BICRA: variants seen among roughly 807,000 people sequenced by gnomAD.
The protein encoded by BICRA is BRD4 interacting chromatin remodeling complex associated protein.
A neutral mutation model predicts 96.9 loss-of-function variants in BICRA; 31 were observed. The ratio of observed to expected loss-of-function variants is 0.32; its 90% CI spans 0.24 to 0.43. The LOEUF (loss-of-function observed/expected upper bound fraction) is 0.43. Among genes scored for constraint, BICRA ranks in the 20% least tolerant of loss-of-function variants. BICRA has a pLI of 1.00. For synonymous variants in BICRA, 1,350 were observed against 1,071.8 expected, an observed-to-expected ratio of 1.26 and a Z score of -5.07; for missense variants, 2,283 against 2,190.3, an observed-to-expected ratio of 1.04 and a Z score of -0.84.
chr19:47,677,691 C>T (rs908289738), intron 5 of BICRA, among the ~76,000 whole-genome samples: 1 of 152,014 alleles, frequency 6.6e-6, no homozygotes, highest in South Asian at 2.1e-4. Flanking sequence ...GTGGAAACTC[C>T]GTCTCAAAAA....
chr19:47,675,965 C>A lies in BICRA; in HGVS notation c.150+49C>A. 1 of 1,244,620 alleles carries A rather than the reference C, an allele frequency of 8.0e-7. No homozygotes were observed. Among genetic ancestry groups the A allele is most frequent in the South Asian group, 1.3e-5 (1 of 76,140 alleles). 77.1% of individuals were successfully genotyped at this position (1,244,620 alleles called of 1,614,324 possible). A position where few individuals can be genotyped will look rare whatever the true frequency, so the allele number is the denominator to read the frequency against. On this transcript the variant is annotated intron_variant, in intron 5 of 14. Coordinates refer to ENST00000594866, the MANE Select transcript of BICRA (RefSeq NM_001394372.1). The surrounding 1 kb of genome is among the most constrained non-coding windows in gnomAD (Gnocchi z 4.7). ...TTGCCTGAGCTGTTGGGGCTGCCAG[C>A]GGGAGGAGGGCCCTGAAGCCAAGAG... is the stretch of plus-strand genomic sequence containing the variant.
intron 1 of BICRA, among the ~76,000 whole-genome samples, chr19:47,654,583 G>T (rs577863022): frequency 6.6e-6 from 1 of 152,020 alleles, no homozygotes; most frequent in Non-Finnish European, 1.5e-5. Flanking sequence ...CTGGTTTCAC[G>T]CCATTCTCCT....
chr19:47,672,349 G>A (rs1197268090), intron 2 of BICRA, among the ~76,000 whole-genome samples: 1 of 148,470 alleles, frequency 6.7e-6, no homozygotes, highest in Admixed American at 6.7e-5. Context: ...GTAGGTAGAT[G>A]GATGGAAGGA....
At chr19:47,667,163 C>T (rs549374927) in intron 1 of BICRA, among the ~76,000 whole-genome samples, 10 of 152,194 alleles carry the variant, frequency 6.6e-5, no homozygotes, top group East Asian at 1.9e-4. Flanking sequence ...GGACTACAGG[C>T]GCCCACCCCC....
At chr19:47,661,777 C>T (rs1972708983) in intron 1 of BICRA, 1 of 152,254 alleles carries the variant, frequency 6.6e-6, no homozygotes. Flanking sequence ...GATGTGGGGT[C>T]AAACTTGGTT....
At chr19:47,619,306 G>A (rs1024919637) in intron 1 of BICRA, among the ~76,000 whole-genome samples, 4 of 150,654 alleles carry the variant, frequency 2.7e-5, no homozygotes, top group African/African-American at 9.8e-5. Flanking sequence ...CCCCTAGGCC[G>A]GAGTGCAGTG....
At chr19:47,648,793 TCTC>T (rs1399024820) in intron 1 of BICRA, among the ~76,000 whole-genome samples, 1 of 150,444 alleles carries the variant, frequency 6.6e-6, no homozygotes, top group Admixed American at 6.7e-5. Context: ...AGCCCTGGGC[TCTC>T]CTCCCTCAGC....
In BICRA at chr19:47,694,223, C is replaced by T. The variant is rs1973287993; in HGVS notation, c.2392C>T (p.Arg798Trp). ...CCACCTGCCCTCCCCACACCCCACC[C>T]GGCCCCCTTCCCGCCCACCCTCCCG... is the stretch of plus-strand genomic sequence containing the variant. Reference protein sequence around the residue: ...SPHLPSPHPTRPPSRPPSRPQ... With the variant: ...SPHLPSPHPTWPPSRPPSRPQ... The change falls in exon 8 of 15, where the codon CGG becomes TGG. Residue 798 changes from arginine (R) to tryptophan (W), a missense_variant. Coordinates refer to ENST00000594866, the MANE Select transcript of BICRA (RefSeq NM_001394372.1). 5.1e-6 allele frequency: 6 copies of T among 1,180,734 alleles called. No individual in the cohort carries two copies. The highest frequency in any genetic ancestry group is 1.6e-5 in the African/African-American group (1 of 61,768). 73.1% of individuals were successfully genotyped at this position (1,180,734 alleles called of 1,614,324 possible).
intron 1 of BICRA, among the ~76,000 whole-genome samples, chr19:47,625,676 G>A (rs1311684137): frequency 6.6e-6 from 1 of 152,164 alleles, no homozygotes; most frequent in East Asian, 1.9e-4. Context: ...GTGAGGGAAG[G>A]TTCTGGAAGA....
intron 7 of BICRA, among the ~76,000 whole-genome samples, chr19:47,689,503 T>C (rs1416749163): frequency 2.0e-5 from 3 of 152,038 alleles, no homozygotes; most frequent in African/African-American, 7.2e-5. Flanking sequence ...CTACGCCTGC[T>C]GGGTTCAAGC....
rs771660181 is a variant in BICRA, at chr19:47,702,148, C to T, written c.4416C>T (p.Ala1472=). 1.3e-6 allele frequency: 2 copies of T among 1,552,924 alleles called. No homozygotes were observed. Among genetic ancestry groups the T allele is most frequent in the South Asian group, 2.4e-5 (2 of 85,026 alleles). Residue 1472 remains alanine (A), a synonymous_variant, in exon 15 of 15, where the codon GCC becomes GCT. Coordinates refer to ENST00000594866, the MANE Select transcript of BICRA (RefSeq NM_001394372.1). ...PDWEAPGLPP[A]KRRKSESPDV... is the part of the protein sequence containing the mutation. Reference sequence around the variant, plus strand: ...GGGAGGCGCCCGGGCTGCCCCCTGCCAAGCGGCGCAAGTCCGAGTCGCCCG... The same window carrying T: ...GGGAGGCGCCCGGGCTGCCCCCTGCTAAGCGGCGCAAGTCCGAGTCGCCCG...
chr19:47,639,629 A>ATTTT, intron 1 of BICRA, among the ~76,000 whole-genome samples: 1 of 105,836 alleles, frequency 9.4e-6, no homozygotes, highest in Non-Finnish European at 1.8e-5. Context: ...CGGCCAGCCA[A>ATTTT]TTTTTTTTTT....
intron 1 of BICRA, among the ~76,000 whole-genome samples, chr19:47,670,204 T>A (rs924323111): frequency 6.6e-6 from 1 of 152,040 alleles, no homozygotes; most frequent in African/African-American, 2.4e-5. Flanking sequence ...TACTCCTGCC[T>A]CAGCCTCCCA....
chr19:47,655,471 G>A (rs569612582), intron 1 of BICRA, among the ~76,000 whole-genome samples: 1 of 136,572 alleles, frequency 7.3e-6, no homozygotes, highest in South Asian at 2.3e-4. Flanking sequence ...GTTGCAGTGA[G>A]CAAAGATCAC....
At position 47,694,691 on chromosome 19, in the gene BICRA, C is replaced by T. The variant is rs1200398058; in HGVS notation, c.2860C>T (p.Pro954Ser). The change falls in exon 8 of 15, where the codon CCC (proline) becomes TCC (serine). Residue 954 changes from proline to serine, a missense_variant. Transcript: ENST00000594866. The stretch of plus-strand genomic sequence containing the variant: ...GGTGACCACCCCCTTCCCAGCGCTG[C>T]CCCAGCCGAAGGCTCTTCTCGAGAG... ...QMVTTPFPAL[P>S]QPKALLERFH... 6.3e-7 allele frequency: 1 copy of T among 1,580,888 alleles called. No individual in the cohort carries two copies.
intron 1 of BICRA, among the ~76,000 whole-genome samples, chr19:47,645,972 C>T (rs575664063): frequency 9.2e-5 from 14 of 152,176 alleles, no homozygotes; most frequent in Non-Finnish European, 1.8e-4. Context: ...GTGGCATGCG[C>T]CTGTAGGCCC....
chr19:47,647,324 C>T (rs1203518399), intron 1 of BICRA, among the ~76,000 whole-genome samples: 1 of 152,040 alleles, frequency 6.6e-6, no homozygotes, highest in African/African-American at 2.4e-5. Context: ...ATTGGTGGGT[C>T]ACAGGGTAAC....
intron 1 of BICRA, 44 bp downstream of exon 1, chr19:47,609,212 C>G (rs1971855559): frequency 6.6e-6 from 1 of 150,634 alleles, no homozygotes; most frequent in African/African-American, 2.4e-5. Context: ...AATCTCTTAA[C>G]TCTCTCTACC....
chr19:47,623,180 G>A (rs768078165), intron 1 of BICRA, among the ~76,000 whole-genome samples: 3 of 151,616 alleles, frequency 2.0e-5, no homozygotes, highest in East Asian at 1.9e-4. Flanking sequence ...TCCCCTCCCC[G>A]TCAGCGACCT....
Sources: allele counts gnomAD v4.1 joint callset (sites outside exome capture counted in the v4.1 genomes callset), GRCh38; gene constraint gnomAD v4.1.1; non-coding constraint Gnocchi (gnomAD v3.1); transcripts MANE v1.5; gene names NCBI Gene and HGNC (gene_info 2026-07-23, HGNC 2026-07-21).